The following CDKAL1 variants were observed in gnomAD, a reference collection of about 807,000 sequenced individuals.
The protein encoded by CDKAL1 is threonylcarbamoyladenosine tRNA methylthiotransferase.
CDKAL1 carries 32 observed loss-of-function variants against 68.2 expected under a neutral mutation model. The ratio of observed to expected loss-of-function variants is 0.47; its 90% CI spans 0.35 to 0.63. The LOEUF is 0.63. Ranked by LOEUF, CDKAL1 falls within the 30% of genes least tolerant of loss-of-function variation. CDKAL1 has a pLI of 0.00. For missense variants in CDKAL1, 606 were observed against 696.7 expected, an observed-to-expected ratio of 0.87 and a Z score of 1.47; for synonymous variants, 234 against 244.3, an observed-to-expected ratio of 0.96 and a Z score of 0.39.
intron 8 of CDKAL1, among the ~76,000 whole-genome samples, chr6:20,810,152 G>A (rs1255904697): frequency 6.6e-6 from 1 of 152,054 alleles, no homozygotes; most frequent in Non-Finnish European, 1.5e-5. Flanking sequence ...AGAAAGAGAA[G>A]ATGGTATAAT....
chr6:20,827,911 T>C (rs1777565741), intron 8 of CDKAL1, among the ~76,000 whole-genome samples: 1 of 152,178 alleles, frequency 6.6e-6, no homozygotes. Context: ...AAGAAGTTTT[T>C]GTTTGTGGTT....
intron 13 of CDKAL1, among the ~76,000 whole-genome samples, chr6:21,177,766 A>G (rs1777643427): frequency 6.6e-6 from 1 of 151,928 alleles, no homozygotes; most frequent in African/African-American, 2.4e-5. Flanking sequence ...ATCATTATTT[A>G]CGAATATATT....
chr6:20,911,746 T>G (rs550224865), intron 9 of CDKAL1, among the ~76,000 whole-genome samples: 2 of 152,364 alleles, frequency 1.3e-5, no homozygotes, highest in East Asian at 3.9e-4. Context: ...TACCTGTTCC[T>G]TTCTCTTGTG....
chr6:20,810,612 A>C (rs1254541974), intron 8 of CDKAL1, among the ~76,000 whole-genome samples: 2 of 128,342 alleles, frequency 1.6e-5, no homozygotes, highest in African/African-American at 6.1e-5. Flanking sequence ...AAAAAAGATT[A>C]TGTGTGTATG....
intron 7 of CDKAL1, among the ~76,000 whole-genome samples, chr6:20,765,538 A>G (rs973093078): frequency 2.0e-5 from 3 of 152,146 alleles, no homozygotes; most frequent in African/African-American, 7.2e-5. Context: ...CACGTTAACA[A>G]TAGGATTGCA....
intron 10 of CDKAL1, among the ~76,000 whole-genome samples, chr6:20,999,692 GAAAC>G (rs1309908391): frequency 1.8e-5 from 2 of 108,408 alleles, no homozygotes; most frequent in Non-Finnish European, 3.8e-5. Context: ...AAAAAAGAAA[GAAAC>G]AGGTGAGTTG....
intron 13 of CDKAL1, among the ~76,000 whole-genome samples, chr6:21,149,195 A>G (rs1469096067): frequency 1.3e-5 from 2 of 152,012 alleles, no homozygotes. Flanking sequence ...GCTGGAGTGC[A>G]GTGGCACAAT....
chr6:20,748,555 G>A (rs13203288), intron 6 of CDKAL1, among the ~76,000 whole-genome samples: 13,292 of 28,086 alleles, frequency 0.47, 4,967 homozygotes, highest in East Asian at 0.75. Context: ...TCTGTTTCTG[G>A]AAAAAAAAAA....
chr6:20,847,520 T>C (rs535414890), intron 9 of CDKAL1, among the ~76,000 whole-genome samples: 2 of 152,356 alleles, frequency 1.3e-5, no homozygotes, highest in Admixed American at 1.3e-4. Context: ...TTTTTTAACA[T>C]CATGCATTTC....
chr6:20,781,189 C>T lies in CDKAL1; in HGVS notation c.562C>T (p.Arg188Trp), dbSNP rs1413614457. ...LLGQKKDNGR[R>W]LGGARLDLPK... The stretch of plus-strand genomic sequence containing the variant: ...GGGTCAGAAAAAGGATAATGGAAGG[C>T]GGCTTGGGGGAGCACGATTGGATTT... The change falls in exon 8 of 16, where the codon CGG (arginine) becomes TGG (tryptophan). Residue 188 changes from arginine to tryptophan, a missense_variant. Arg to Trp is a moderately radical substitution (Grantham distance 101). Coordinates refer to ENST00000274695, the MANE Select transcript of CDKAL1 (RefSeq NM_017774.3). The T allele has an allele frequency of 4.3e-6, 7 of 1,613,436 alleles. No homozygotes were observed. The highest frequency in any genetic ancestry group is 1.6e-4 in the Middle Eastern group (1 of 6,082).
chr6:21,068,726 AT>A (rs1436769989), intron 12 of CDKAL1, among the ~76,000 whole-genome samples: 2 of 151,992 alleles, frequency 1.3e-5, no homozygotes, highest in Non-Finnish European at 1.5e-5. Context: ...GTTTTTGTAA[AT>A]TTGTCAAGTT....
chr6:20,970,650 A>T (rs111451408), intron 10 of CDKAL1, among the ~76,000 whole-genome samples: 1 of 152,304 alleles, frequency 6.6e-6, no homozygotes, highest in African/African-American at 2.4e-5. Flanking sequence ...TTTGAGGAAG[A>T]ACTCATGTCA....
chr6:20,989,853 T>A (rs1361509507), intron 10 of CDKAL1, among the ~76,000 whole-genome samples: 3 of 151,914 alleles, frequency 2.0e-5, no homozygotes, highest in African/African-American at 4.8e-5. Context: ...AATTTTAAAA[T>A]ATATATATAT....
At chr6:20,793,682 C>T (rs1370660555) in intron 8 of CDKAL1, among the ~76,000 whole-genome samples, 2 of 151,040 alleles carry the variant, frequency 1.3e-5, no homozygotes, top group African/African-American at 2.4e-5. Flanking sequence ...TACTTTAATA[C>T]TCCATTAAGT....
chr6:20,885,914 C>A (rs777077696), intron 9 of CDKAL1, among the ~76,000 whole-genome samples: 1 of 152,034 alleles, frequency 6.6e-6, no homozygotes, highest in African/African-American at 2.4e-5. Flanking sequence ...GAAACCCCAT[C>A]TCTATTAAAA....
At chr6:20,827,672 C>T (rs1012433648) in intron 8 of CDKAL1, among the ~76,000 whole-genome samples, 2 of 152,048 alleles carry the variant, frequency 1.3e-5, no homozygotes, top group Admixed American at 1.3e-4. Flanking sequence ...TTTTAGCATT[C>T]TGGCCTTCTG....
chr6:21,179,855 A>T (rs577771783), intron 13 of CDKAL1, among the ~76,000 whole-genome samples: 1 of 152,266 alleles, frequency 6.6e-6, no homozygotes, highest in East Asian at 1.9e-4. Flanking sequence ...TACTGTCTCT[A>T]CAAAACAATA....
chr6:20,644,915 T>C (rs1045820973), intron 4 of CDKAL1, among the ~76,000 whole-genome samples: 3 of 152,166 alleles, frequency 2.0e-5, no homozygotes, highest in Non-Finnish European at 2.9e-5. Flanking sequence ...CATCATCAAG[T>C]GTACCCACAC....
intron 7 of CDKAL1, among the ~76,000 whole-genome samples, chr6:20,767,575 A>C (rs1421240935): frequency 3.3e-5 from 5 of 152,286 alleles, no homozygotes; most frequent in African/African-American, 1.2e-4. Context: ...GTAGAAAAGA[A>C]ATTTAAATCT....
Sources: allele counts gnomAD v4.1 joint callset (sites outside exome capture counted in the v4.1 genomes callset), GRCh38; gene constraint gnomAD v4.1.1; transcripts MANE v1.5; gene names NCBI Gene and HGNC (gene_info 2026-07-23, HGNC 2026-07-21).